Variants in COMP observed in about 807,000 individuals in gnomAD.
The protein encoded by COMP is cartilage oligomeric matrix protein, also known as cartilage oligomeric matrix protein (pseudoachondroplasia, epiphyseal dysplasia 1, multiple).
A neutral mutation model predicts 95.8 loss-of-function variants in COMP; 79 were observed. The observed-to-expected ratio is 0.82, with a 90% CI of 0.69 to 0.99. The LOEUF is 0.99. Among genes scored for constraint, COMP ranks in the 50% least tolerant of loss-of-function variants. The pLI, the probability that COMP is intolerant of heterozygous loss-of-function variation, is 0.00. For missense variants in COMP, 906 were observed against 1,076.1 expected (o/e 0.84, Z 2.21); for synonymous variants, 438 against 433.9 (o/e 1.01, Z -0.12).
chr19:18,784,611 T>TG lies in COMP; in HGVS notation c.1915-249dup, dbSNP rs1309258855. ...TGGACAGATTCAGGGTCTGGGAGGA[T>TG]GGGGGGCTCTGCAGAAGGACTTGGA... On this transcript the variant is annotated intron_variant, in intron 16 of 18. Coordinates refer to ENST00000222271, the MANE Select transcript of COMP (RefSeq NM_000095.3). The surrounding 1 kb of genome is among the most constrained non-coding windows in gnomAD (Gnocchi z 4.9). 6.6e-5 allele frequency among the ~76,000 whole-genome samples: 10 copies of TG among 151,652 alleles called. No homozygotes were observed. The highest frequency in any genetic ancestry group is 6.6e-4 in the Admixed American group (10 of 15,224).
At position 18,785,489 on chromosome 19, in the gene COMP, G is replaced by A. The variant is rs1303911990; in HGVS notation, c.1717+9C>T. The A allele has an allele frequency of 6.2e-7, 1 of 1,613,008 alleles. No homozygotes were observed. The highest frequency in any genetic ancestry group is 8.5e-7 in the Non-Finnish European group (1 of 1,180,002). ...CCGTGGCAGGATAGCGCTGCTCCCC[G>A]CTTCTCACCCACAGCCAGGCCTGGG... On this transcript the variant is annotated intron_variant, in intron 15 of 18. Coordinates refer to ENST00000222271, the MANE Select transcript of COMP (RefSeq NM_000095.3).
intron 15 of COMP, 38 bp downstream of exon 15, chr19:18,785,460 C>A: frequency 6.2e-7 from 1 of 1,611,936 alleles, no homozygotes; most frequent in Non-Finnish European, 8.5e-7. Flanking sequence ...TCCCTGAGCC[C>A]GCTCCGTGGC....
Position 18,784,297 on chromosome 19 carries a change from C to T in COMP, c.1981G>A (p.Glu661Lys), listed in dbSNP as rs372414886. The change falls in exon 17 of 19, where the codon GAG becomes AAG. Residue 661 changes from glutamate (E) to lysine (K), a missense_variant. Coordinates refer to ENST00000222271, the MANE Select transcript of COMP (RefSeq NM_000095.3). This position sits in a 1 kb window ranked among gnomAD's most constrained non-coding sequence, Gnocchi z 4.9. ...RNALWHTGDT[E>K]SQVRLLWKDP... Reference sequence around the variant, plus strand: ...TTCCACAGCAGCCGCACCTGGGACTCTGTGTCTCCTGTATGCCACAGAGCG... The same window carrying T: ...TTCCACAGCAGCCGCACCTGGGACTTTGTGTCTCCTGTATGCCACAGAGCG... The T allele has an allele frequency of 2.2e-5, 35 of 1,614,150 alleles. No homozygotes were observed. In the African/African-American group the frequency reaches 3.7e-4, roughly 17 times the overall value.
intron 3 of COMP, among the ~76,000 whole-genome samples, 177 bp from the exon 4 acceptor site, chr19:18,790,291 C>G (rs1044238725): frequency 6.6e-6 from 1 of 150,376 alleles, no homozygotes; most frequent in Admixed American, 6.6e-5. Context: ...GCGCTCTGAC[C>G]GCGGGGTCTC....
Position 18,788,371 on chromosome 19 carries a change from C to G in COMP, c.867+39G>C. On this transcript the variant is annotated intron_variant, in intron 8 of 18. Coordinates refer to ENST00000222271, the MANE Select transcript of COMP (RefSeq NM_000095.3). The surrounding 1 kb of genome is among the most constrained non-coding windows in gnomAD (Gnocchi z 4.7). ...GGGCGCGGTCATGAAGTCCCGCCCT[C>G]CCTCCTGCCCAAGCCCGCCCCGCTC... is the stretch of plus-strand genomic sequence containing the variant. The G allele has an allele frequency of 6.2e-7, 1 of 1,601,742 alleles. No individual in the cohort carries two copies. Among genetic ancestry groups the G allele is most frequent in the South Asian group, 1.1e-5 (1 of 90,686 alleles).
rs566016897 is a variant in COMP at position 18,786,679 on chromosome 19, A to G, written c.1136-29T>C. 1.8e-5 allele frequency: 28 copies of G among 1,563,852 alleles called. No homozygotes were observed. The African/African-American group carries it at 2.9e-4, about 16-fold the overall frequency. Reference sequence around the variant, plus strand: ...CAGAAATCCACGGGACCAGAGCCCCAAGATTGGGACCAGGCCAGAATGACT... The same window carrying G: ...CAGAAATCCACGGGACCAGAGCCCCGAGATTGGGACCAGGCCAGAATGACT... On this transcript the variant is annotated intron_variant, in intron 10 of 18. Coordinates refer to ENST00000222271, the MANE Select transcript of COMP (RefSeq NM_000095.3).
Position 18,784,049 on chromosome 19 carries a change from A to G in COMP, c.2087+142T>C. ...TGTGAGCCACCACGCCTGGACCAGC[A>G]TAGGCTCATTCTAACTGCCCTGTAT... On this transcript the variant is annotated intron_variant, in intron 17 of 18. Coordinates refer to ENST00000222271, the MANE Select transcript of COMP (RefSeq NM_000095.3). This position sits in a 1 kb window ranked among gnomAD's most constrained non-coding sequence, Gnocchi z 4.9. 1 of 932,262 alleles carries G rather than the reference A, an allele frequency of 1.1e-6. No individual in the cohort carries two copies. Among genetic ancestry groups the G allele is most frequent in the East Asian group, 2.6e-5 (1 of 39,194 alleles). 57.7% of individuals were successfully genotyped at this position (932,262 alleles called of 1,614,324 possible).
rs1309386186 is a variant in COMP, at chr19:18,784,244, G to A, written c.2034C>T (p.Asp678=). 5.6e-6 allele frequency: 9 copies of A among 1,613,936 alleles called. No homozygotes were observed. The African/African-American group carries it at 1.2e-4, about 22-fold the overall frequency. ...WKDPRNVGWK[D]KKSYRWFLQH... is the part of the protein sequence containing the mutation. Reference sequence around the variant, plus strand: ...GCAGGAACCAACGATAGGACTTCTTGTCCTTCCAACCCACGTTTCGCGGGT... The same window carrying A: ...GCAGGAACCAACGATAGGACTTCTTATCCTTCCAACCCACGTTTCGCGGGT... The change falls in exon 17 of 19, where the codon GAC becomes GAT. Residue 678 remains aspartate, a synonymous_variant. Transcript: ENST00000222271. This position sits in a 1 kb window ranked among gnomAD's most constrained non-coding sequence, Gnocchi z 4.9.
chr19:18,788,634 A>C lies in COMP; in HGVS notation c.720T>G (p.His240Gln). The C allele has an allele frequency of 6.5e-7, 1 of 1,548,032 alleles. No homozygotes were observed. ...PDGSPSECHE[H>Q]ADCVLERDGS... ...CATCGCGCTCTAGGACGCAGTCTGC[A>C]TGCTCGTGGCACTCGCTGGGCGAGC... Residue 240 changes from histidine to glutamine, a missense_variant, in exon 7 of 19, where the codon CAT becomes CAG. Coordinates refer to ENST00000222271, the MANE Select transcript of COMP (RefSeq NM_000095.3). This position sits in a 1 kb window ranked among gnomAD's most constrained non-coding sequence, Gnocchi z 4.7.
In COMP at chr19:18,790,122, G is replaced by A. The variant is rs1406227979; in HGVS notation, c.218-8C>T. 4 of 1,523,558 alleles carry A rather than the reference G, an allele frequency of 2.6e-6. No individual in the cohort carries two copies. Among genetic ancestry groups the A allele is most frequent in the Non-Finnish European group, 2.6e-6 (3 of 1,137,230 alleles). The allele number at this position is 1,523,558 out of a possible 1,614,324, so 94.4% of individuals were successfully genotyped here. A position where few individuals can be genotyped will look rare whatever the true frequency, so the allele number is the denominator to read the frequency against. ...GTACTGACTGCTGCATCCCTGCGGG[G>A]GGGAGGGGGGAGAAGCGGCGGGGCT... On this transcript the variant is annotated splice_polypyrimidine_tract_variant and splice_region_variant and intron_variant, in intron 3 of 18. Coordinates refer to ENST00000222271, the MANE Select transcript of COMP (RefSeq NM_000095.3).
Position 18,788,168 on chromosome 19 carries a change from C to G in COMP, c.975+44G>C. The G allele has an allele frequency of 6.5e-7, 1 of 1,529,424 alleles. No individual in the cohort carries two copies. Among genetic ancestry groups the G allele is most frequent in the Non-Finnish European group, 9.0e-7 (1 of 1,106,032 alleles). 94.7% of individuals were successfully genotyped at this position (1,529,424 alleles called of 1,614,324 possible). On this transcript the variant is annotated intron_variant, in intron 9 of 18. Coordinates refer to ENST00000222271, the MANE Select transcript of COMP (RefSeq NM_000095.3). The surrounding 1 kb of genome is among the most constrained non-coding windows in gnomAD (Gnocchi z 4.7). Reference sequence around the variant, plus strand: ...CCGCCCGCCTCGGCCTCCCAAAGTGCTGGGATTACAGGAGTGAACCACCGT... The same window carrying G: ...CCGCCCGCCTCGGCCTCCCAAAGTGGTGGGATTACAGGAGTGAACCACCGT...
In COMP at chr19:18,791,221, C is replaced by T. The variant is rs764174833; in HGVS notation, c.49G>A (p.Gly17Ser). The T allele has an allele frequency of 6.3e-7, 1 of 1,595,704 alleles. No homozygotes were observed. The highest frequency in any genetic ancestry group is 1.1e-5 in the South Asian group (1 of 87,908). The part of the protein sequence containing the change: ...CVLLLTLAAL[G>S]ASGQGQSPLG... ...GGGCTCTGGCCCTGTCCGGACGCGC[C>T]GAGGGCAGCCAGGGTGAGCAGAAGA... Residue 17 changes from glycine (G) to serine (S), a missense_variant, in exon 1 of 19, where the codon GGC becomes AGC. Physicochemically the swap from Gly to Ser is moderately conservative, Grantham distance 56. Coordinates refer to ENST00000222271, the MANE Select transcript of COMP (RefSeq NM_000095.3).
rs1244798236 is a variant in COMP, at chr19:18,785,739, G to C, written c.1602C>G (p.Phe534Leu). ...CCTCCGGGTCCAGCACGACTGTCTGGAAGGCCCTGAAGTCGGTGAGCGTGA... is the reference window on the plus strand; with the variant it reads ...CCTCCGGGTCCAGCACGACTGTCTGCAAGGCCCTGAAGTCGGTGAGCGTGA... ...AEVTLTDFRAFQTVVLDPEGD... is the reference protein window; with the variant it reads ...AEVTLTDFRALQTVVLDPEGD... The change falls in exon 14 of 19, where the codon TTC becomes TTG. Residue 534 changes from phenylalanine (F) to leucine (L), a missense_variant. By Grantham distance (22) the Phe-to-Leu change is conservative. Coordinates refer to ENST00000222271, the MANE Select transcript of COMP (RefSeq NM_000095.3). 6.2e-7 allele frequency: 1 copy of C among 1,613,402 alleles called. No homozygotes were observed. Among genetic ancestry groups the C allele is most frequent in the Non-Finnish European group, 8.5e-7 (1 of 1,180,040 alleles).
intron 17 of COMP, among the ~76,000 whole-genome samples, 192 bp from the exon 18 acceptor site, chr19:18,783,385 A>G (rs1472798755): frequency 2.0e-5 from 3 of 152,158 alleles, no homozygotes; most frequent in Non-Finnish European, 4.4e-5. Flanking sequence ...TGCTAAACAG[A>G]GCACCTGGGC....
rs1295254932 is a variant in COMP at position 18,789,147 on chromosome 19, C to A, written c.528+13G>T. ...CCCTTCTGCTCCAAAAATGGGGCCC[C>A]CACACCTCTCACCTGCTTGTTGGCC... On this transcript the variant is annotated intron_variant, in intron 5 of 18. Coordinates refer to ENST00000222271, the MANE Select transcript of COMP (RefSeq NM_000095.3). This position sits in a 1 kb window ranked among gnomAD's most constrained non-coding sequence, Gnocchi z 6.1. 3 of 1,589,376 alleles carry A rather than the reference C, an allele frequency of 1.9e-6. No individual in the cohort carries two copies. In the African/African-American group the frequency reaches 4.1e-5, roughly 22 times the overall value.
At position 18,788,997 on chromosome 19, in the gene COMP, C is replaced by T. The variant is rs907891515; in HGVS notation, c.529-84G>A. On this transcript the variant is annotated intron_variant, in intron 5 of 18. Coordinates refer to ENST00000222271, the MANE Select transcript of COMP (RefSeq NM_000095.3). The surrounding 1 kb of genome is among the most constrained non-coding windows in gnomAD (Gnocchi z 4.7). ...TCCTCCACACTTCCTCCGCATCCTG[C>T]CTCTCCCCTCCATCCTGCCCCAAAC... 4.1e-5 allele frequency: 63 copies of T among 1,554,844 alleles called. No homozygotes were observed. Among genetic ancestry groups the T allele is most frequent in the South Asian group, 9.2e-5 (8 of 87,338 alleles).
chr19:18,788,925 G>A lies in COMP; in HGVS notation c.529-12C>T, dbSNP rs866339251. The A allele has an allele frequency of 6.2e-7, 1 of 1,612,558 alleles. No homozygotes were observed. Among genetic ancestry groups the A allele is most frequent in the Admixed American group, 1.7e-5 (1 of 59,888 alleles). ...ATGTCCGTGCAAACCTAGGGGAGGGGAACTCAGAGGTCACCACCCCACGCA... is the reference window on the plus strand; with the variant it reads ...ATGTCCGTGCAAACCTAGGGGAGGGAAACTCAGAGGTCACCACCCCACGCA... On this transcript the variant is annotated splice_polypyrimidine_tract_variant and intron_variant, in intron 5 of 18. Transcript: ENST00000222271. This position sits in a 1 kb window ranked among gnomAD's most constrained non-coding sequence, Gnocchi z 4.7.
rs755374221 is a variant in COMP at position 18,788,591 on chromosome 19, C to T, written c.762+1G>A. 1 of 1,554,208 alleles carries T rather than the reference C, an allele frequency of 6.4e-7. No individual in the cohort carries two copies. Among genetic ancestry groups the T allele is most frequent in the Non-Finnish European group, 8.7e-7 (1 of 1,149,662 alleles). ...CTCAAGCCCAGCCCGCCCGCACTCACCACGCACGACCGCGAGCCATCGCGC... is the reference window on the plus strand; with the variant it reads ...CTCAAGCCCAGCCCGCCCGCACTCATCACGCACGACCGCGAGCCATCGCGC... On this transcript the variant is annotated splice_donor_variant, in intron 7 of 18. Transcript: ENST00000222271. LOFTEE classifies it high-confidence loss of function. This position sits in a 1 kb window ranked among gnomAD's most constrained non-coding sequence, Gnocchi z 4.7.
chr19:18,790,700 C>G, intron 2 of COMP, 87 bp from the exon 3 acceptor site: 1 of 1,612,406 alleles, frequency 6.2e-7, no homozygotes, highest in South Asian at 1.1e-5. Flanking sequence ...TCCCTTTCTA[C>G]AGCCTCTTTT....
Sources: gnomAD v4.1 joint callset for allele counts (sites outside exome capture counted in the v4.1 genomes callset) on GRCh38, gnomAD v4.1.1 for gene constraint, Gnocchi (gnomAD v3.1) non-coding constraint, MANE v1.5 for transcripts, NCBI Gene and HGNC (gene_info 2026-07-23, HGNC 2026-07-21) for gene names.